Variants in SSBP2 observed in about 807,000 individuals in gnomAD.
The protein encoded by SSBP2 is single-stranded DNA-binding protein 2.
SSBP2 carries 17 observed loss-of-function variants against 61.8 expected under a neutral mutation model. The observed-to-expected ratio is 0.28, with a 90% CI of 0.19 to 0.41. The LOEUF (loss-of-function observed/expected upper bound fraction) is 0.41, where lower values mean the gene tolerates loss of function less well. Among genes scored for constraint, SSBP2 ranks in the 10% least tolerant of loss-of-function variants. The pLI is 1.00. For missense variants in SSBP2, 310 were observed against 458.7 expected (o/e 0.68, Z 2.96); for synonymous variants, 139 against 141.3 (o/e 0.98, Z 0.12).
At chr5:81,590,991 G>A (rs145065443) in intron 4 of SSBP2, among the ~76,000 whole-genome samples, 124 of 152,290 alleles carry the variant, frequency 8.1e-4, no homozygotes, top group African/African-American at 2.8e-3. Flanking sequence ...CTGAATCAGT[G>A]CAACAGAGAA....
chr5:81,719,146 G>A (rs1409718148), intron 1 of SSBP2, among the ~76,000 whole-genome samples: 3 of 152,104 alleles, frequency 2.0e-5, no homozygotes, highest in African/African-American at 2.4e-5. Flanking sequence ...AGACGAGGTT[G>A]CCACAGGTTT....
chr5:81,488,827 G>A (rs1025067465), intron 6 of SSBP2, among the ~76,000 whole-genome samples: 5 of 150,616 alleles, frequency 3.3e-5, no homozygotes, highest in Non-Finnish European at 7.4e-5. Context: ...CTTTATTGCC[G>A]TTCTTTAAAC....
intron 3 of SSBP2, among the ~76,000 whole-genome samples, chr5:81,635,816 C>G (rs981442940): frequency 6.6e-6 from 1 of 152,076 alleles, no homozygotes; most frequent in Non-Finnish European, 1.5e-5. Flanking sequence ...GATCTCCTGA[C>G]CTTGTGATCC....
chr5:81,737,091 C>A (rs1396342103), intron 1 of SSBP2, among the ~76,000 whole-genome samples: 1 of 152,134 alleles, frequency 6.6e-6, no homozygotes, highest in African/African-American at 2.4e-5. Flanking sequence ...TCACTTTCAA[C>A]ACCCACCTAA....
chr5:81,578,718 C>T (rs1197817535), intron 4 of SSBP2, among the ~76,000 whole-genome samples: 1 of 150,890 alleles, frequency 6.6e-6, no homozygotes, highest in Non-Finnish European at 1.5e-5. Flanking sequence ...AGGTAAATCA[C>T]AAAAAGTAGA....
intron 1 of SSBP2, among the ~76,000 whole-genome samples, chr5:81,710,265 T>C (rs1235561640): frequency 1.3e-5 from 2 of 152,060 alleles, no homozygotes; most frequent in Admixed American, 6.5e-5. Flanking sequence ...ATTAGATACC[T>C]TGGAAGAAAA....
intron 6 of SSBP2, among the ~76,000 whole-genome samples, chr5:81,488,309 A>G (rs1363154888): frequency 6.6e-6 from 1 of 151,774 alleles, no homozygotes; most frequent in Non-Finnish European, 1.5e-5. Context: ...TGTTTTCCAT[A>G]ATGGCTGTAC....
chr5:81,510,736 G>A (rs1768538482), intron 5 of SSBP2, among the ~76,000 whole-genome samples: 2 of 151,694 alleles, frequency 1.3e-5, no homozygotes, highest in Admixed American at 6.6e-5. Context: ...ACTCAGCCTG[G>A]GCAACAACAG....
At chr5:81,729,315 AT>A (rs1176729439) in intron 1 of SSBP2, among the ~76,000 whole-genome samples, 3 of 152,330 alleles carry the variant, frequency 2.0e-5, no homozygotes, top group Admixed American at 1.3e-4. Flanking sequence ...CTTTAAAAAA[AT>A]ATAAAGAAAT....
At chr5:81,544,269 C>G (rs553863927) in intron 4 of SSBP2, among the ~76,000 whole-genome samples, 1 of 152,182 alleles carries the variant, frequency 6.6e-6, no homozygotes, top group South Asian at 2.1e-4. Context: ...GGCTGGTCTT[C>G]AACTCCTGAC....
intron 4 of SSBP2, among the ~76,000 whole-genome samples, chr5:81,557,143 C>A (rs545125919): frequency 6.6e-6 from 1 of 152,240 alleles, no homozygotes; most frequent in African/African-American, 2.4e-5. Context: ...TTTGTTTCTT[C>A]TGTACTTTAA....
intron 5 of SSBP2, among the ~76,000 whole-genome samples, chr5:81,498,548 G>A (rs1317755899): frequency 1.3e-5 from 2 of 151,810 alleles, no homozygotes; most frequent in Non-Finnish European, 2.9e-5. Context: ...TCATAGTTCT[G>A]CAAAAGTAAT....
At chr5:81,470,712 G>C (rs1056080175) in intron 8 of SSBP2, among the ~76,000 whole-genome samples, 2 of 151,898 alleles carry the variant, frequency 1.3e-5, no homozygotes, top group Admixed American at 1.3e-4. Flanking sequence ...TAAATCTAGA[G>C]ACAATATTTC....
chr5:81,673,126 C>T (rs1298791594), intron 1 of SSBP2, among the ~76,000 whole-genome samples: 2 of 152,180 alleles, frequency 1.3e-5, no homozygotes, highest in African/African-American at 4.8e-5. Context: ...CAGGCATGAG[C>T]CACCACACTC....
chr5:81,597,559 G>A (rs1424564732), intron 4 of SSBP2, among the ~76,000 whole-genome samples: 8 of 152,056 alleles, frequency 5.3e-5, no homozygotes, highest in African/African-American at 1.9e-4. Context: ...ACATGCACAC[G>A]TATGTTTACT....
chr5:81,737,592 C>T (rs1211005657), intron 1 of SSBP2, among the ~76,000 whole-genome samples: 1 of 150,892 alleles, frequency 6.6e-6, no homozygotes, highest in Non-Finnish European at 1.5e-5. Flanking sequence ...ACCATACTGG[C>T]TAACACGGTG....
chr5:81,641,226 G>A (rs186477846), intron 2 of SSBP2, among the ~76,000 whole-genome samples: 8 of 152,092 alleles, frequency 5.3e-5, no homozygotes, highest in Admixed American at 1.3e-4. Flanking sequence ...CAGCTGTCTC[G>A]GGAGATAAAG....
At chr5:81,624,137 T>C (rs1247759904) in intron 3 of SSBP2, among the ~76,000 whole-genome samples, 1 of 151,940 alleles carries the variant, frequency 6.6e-6, no homozygotes, top group African/African-American at 2.4e-5. Flanking sequence ...ATCAGGAGAG[T>C]TTCATAATTA....
chr5:81,702,577 A>G (rs1364127840), intron 1 of SSBP2, among the ~76,000 whole-genome samples: 4 of 152,192 alleles, frequency 2.6e-5, no homozygotes, highest in Non-Finnish European at 5.9e-5. Flanking sequence ...AAATGCAGGA[A>G]TGCTATTTTT....
Sources: allele counts gnomAD v4.1 joint callset (sites outside exome capture counted in the v4.1 genomes callset), GRCh38; gene constraint gnomAD v4.1.1; transcripts MANE v1.5; gene names NCBI Gene and HGNC (gene_info 2026-07-23, HGNC 2026-07-21).